HLA-DRB5: variants seen among roughly 807,000 people sequenced by gnomAD.
HLA-DRB5 encodes the protein DR beta-5.
A neutral mutation model predicts 22.4 loss-of-function variants in HLA-DRB5; 11 were observed. The observed-to-expected ratio is 0.49, with a 90% CI of 0.31 to 0.81. HLA-DRB5 has a LOEUF of 0.81. HLA-DRB5 is among the 40% of genes least tolerant of loss of function. The pLI is 0.05. For synonymous variants in HLA-DRB5, 57 were observed against 106.0 expected, an observed-to-expected ratio of 0.54 and a Z score of 2.84; for missense variants, 106 against 274.4, an observed-to-expected ratio of 0.39 and a Z score of 4.34.
At chr6:32,518,957 A>G (rs1287210335) in intron 3 of HLA-DRB5, among the ~76,000 whole-genome samples, 2 of 89,628 alleles carry the variant, frequency 2.2e-5, no homozygotes, top group Non-Finnish European at 4.7e-5. Flanking sequence ...AGAGTGACAG[A>G]GCTAATAAAA....
At chr6:32,528,205 T>TC (rs1769855274) in intron 1 of HLA-DRB5, among the ~76,000 whole-genome samples, 1 of 56,380 alleles carries the variant, frequency 1.8e-5, no homozygotes, top group Non-Finnish European at 3.7e-5. Flanking sequence ...TGAACTAAAG[T>TC]AGGTGAATCC....
intron 2 of HLA-DRB5, among the ~76,000 whole-genome samples, chr6:32,521,027 G>T (rs111296344): frequency 2.4e-4 from 7 of 29,304 alleles, no homozygotes; most frequent in South Asian, 8.1e-4. Flanking sequence ...AATAGGTCAA[G>T]ATAATTCAAA....
intron 1 of HLA-DRB5, among the ~76,000 whole-genome samples, chr6:32,524,095 G>A (rs116660779): frequency 0.13 from 6,264 of 49,196 alleles, 1,663 homozygotes; most frequent in Middle Eastern, 0.48. Flanking sequence ...TGAACCATCT[G>A]AAAAAACCTG....
intron 1 of HLA-DRB5, among the ~76,000 whole-genome samples, chr6:32,525,160 T>C (rs1301874140): frequency 1.1e-5 from 1 of 87,244 alleles, no homozygotes; most frequent in African/African-American, 4.2e-5. Flanking sequence ...ATCAAGTCAC[T>C]ACTCACTAAT....
chr6:32,521,471 A>G, intron 2 of HLA-DRB5, among the ~76,000 whole-genome samples: 1 of 126,164 alleles, frequency 7.9e-6, no homozygotes, highest in Non-Finnish European at 1.7e-5. Context: ...GCCTCCTCAT[A>G]TTATCACAAA....
At chr6:32,521,283 C>A in intron 2 of HLA-DRB5, among the ~76,000 whole-genome samples, 1 of 50,412 alleles carries the variant, frequency 2.0e-5, no homozygotes, top group Non-Finnish European at 4.1e-5. Context: ...AAAATATACA[C>A]ACTAAGAAAA....
rs112037641 is a variant in HLA-DRB5 at position 32,521,482 on chromosome 6, T to A, written c.370+423A>T. Reference sequence around the variant, plus strand: ...ACTGGCCTCCTCATATTATCACAAATCTTCCACACCCCTCAGCTCTCCTCC... The same window carrying A: ...ACTGGCCTCCTCATATTATCACAAAACTTCCACACCCCTCAGCTCTCCTCC... On this transcript the variant is annotated intron_variant, in intron 2 of 5. Coordinates refer to ENST00000374975, the MANE Select transcript of HLA-DRB5 (RefSeq NM_002125.4). Among the ~76,000 whole-genome samples the A allele has an allele frequency of 2.6e-5, 3 of 115,204 alleles. 1 individual carries two copies. The highest frequency in any genetic ancestry group is 9.7e-5 in the African/African-American group (3 of 30,780). The allele number at this position is 115,204 out of a possible 152,430, so 75.6% of individuals were successfully genotyped here.
intron 1 of HLA-DRB5, among the ~76,000 whole-genome samples, chr6:32,525,189 T>C (rs530308982): frequency 0.25 from 9,509 of 37,952 alleles, 3,975 homozygotes; most frequent in Middle Eastern, 0.29. Context: ...AACTCTCATA[T>C]TCTAGAATCA....
intron 1 of HLA-DRB5, among the ~76,000 whole-genome samples, chr6:32,528,098 C>A (rs1255681436): frequency 1.2e-5 from 1 of 85,836 alleles, no homozygotes; most frequent in Non-Finnish European, 2.3e-5. Flanking sequence ...CCAATTCGGT[C>A]TCCCTGGAAC....
At chr6:32,529,943 T>C (rs1243695974) in intron 1 of HLA-DRB5, among the ~76,000 whole-genome samples, 182 bp downstream of exon 1, 258 of 144,880 alleles carry the variant, frequency 1.8e-3, no homozygotes, top group African/African-American at 6.4e-3. Flanking sequence ...CACAGTCTCA[T>C]GGAGAGGGCA....
chr6:32,521,231 T>C (rs115260061), intron 2 of HLA-DRB5, among the ~76,000 whole-genome samples: 29,558 of 48,110 alleles, frequency 0.61, 11,530 homozygotes, highest in Middle Eastern at 0.82. Context: ...TGTATTAAAA[T>C]TTTAATCAAA....
intron 1 of HLA-DRB5, among the ~76,000 whole-genome samples, chr6:32,529,020 G>A (rs113264007): frequency 0.18 from 11,794 of 64,236 alleles, 96 homozygotes; most frequent in Middle Eastern, 0.2. Flanking sequence ...TTCTGGATAT[G>A]ATGACAACAT....
At chr6:32,520,197 G>T (rs183006346) in intron 2 of HLA-DRB5, among the ~76,000 whole-genome samples, 12,258 of 52,194 alleles carry the variant, frequency 0.23, 4,408 homozygotes, top group East Asian at 0.29. Context: ...ATCACACTTG[G>T]GTGTTCCACT....
chr6:32,528,218 T>G (rs200811606), intron 1 of HLA-DRB5, among the ~76,000 whole-genome samples: 1 of 91,766 alleles, frequency 1.1e-5, no homozygotes, highest in Non-Finnish European at 2.2e-5. Flanking sequence ...GTGAATCCAT[T>G]TCTCTCTTTT....
rs766707712 is a variant in HLA-DRB5 at position 32,521,915 on chromosome 6, C to T, written c.360G>A (p.Val120=). The T allele has an allele frequency of 2.2e-5, 34 of 1,536,010 alleles. 4 individuals are homozygous for T. Residue 120 remains valine, a synonymous_variant, in exon 2 of 6, where the codon GTG becomes GTA. Coordinates refer to ENST00000374975, the MANE Select transcript of HLA-DRB5 (RefSeq NM_002125.4). ...CCCCACCATGCTCACCTCGCCGCTG[C>T]ACTGTGAAGCTCTCACCAACCCCGT... ...HNYGVGESFT[V]QRRVEPKVTV...
chr6:32,520,783 A>T (rs181241380), intron 2 of HLA-DRB5, among the ~76,000 whole-genome samples: 49 of 37,792 alleles, frequency 1.3e-3, no homozygotes, highest in Middle Eastern at 0.021. Context: ...TATTTTATTA[A>T]ACAGAAATGT....
In HLA-DRB5 at chr6:32,527,497, C is replaced by CA. The variant is rs373469752; in HGVS notation, c.100+2627dup. ...CTGGTGACAGAGCAAGACTATATCT[C>CA]AAAAAAAAAAAAAATTAAAAAATTA... On this transcript the variant is annotated intron_variant, in intron 1 of 5. Transcript: ENST00000374975. Among the ~76,000 whole-genome samples, 45 of 25,622 alleles carry CA rather than the reference C, an allele frequency of 1.8e-3. 15 individuals carry two copies. The highest frequency in any genetic ancestry group is 4.2e-3 in the South Asian group (4 of 944). The allele number at this position is 25,622 out of a possible 152,430, so 16.8% of individuals were successfully genotyped here. A position where few individuals can be genotyped will look rare whatever the true frequency, so the allele number is the denominator to read the frequency against.
At chr6:32,520,647 C>T (rs1295635334) in intron 2 of HLA-DRB5, among the ~76,000 whole-genome samples, 10,068 of 78,530 alleles carry the variant, frequency 0.13, 2 homozygotes, top group Admixed American at 0.18. Flanking sequence ...TAGGAAAATC[C>T]CTAACACTAG....
chr6:32,521,499 C>T (rs1271776462), intron 2 of HLA-DRB5, among the ~76,000 whole-genome samples: 2,018 of 111,462 alleles, frequency 0.018, no homozygotes, highest in East Asian at 0.047. Context: ...CACCCCTCAG[C>T]TCTCCTCCCC....
Sources: allele counts gnomAD v4.1 joint callset (sites outside exome capture counted in the v4.1 genomes callset), GRCh38; gene constraint gnomAD v4.1.1; transcripts MANE v1.5; gene names NCBI Gene and HGNC (gene_info 2026-07-23, HGNC 2026-07-21).